The following ZNF208 variants were observed in gnomAD, a reference collection of about 807,000 sequenced individuals.
ZNF208 encodes zinc finger protein 208, also known as zinc finger protein 95.
Under a neutral mutation model 12.1 loss-of-function variants are expected in ZNF208, and 10 were observed. That is an observed-to-expected ratio of 0.83 (90% CI 0.51 to 1.40). The LOEUF (loss-of-function observed/expected upper bound fraction) is 1.40, where lower values mean the gene tolerates loss of function less well. Among genes scored for constraint, ZNF208 ranks in the 40% most tolerant of loss-of-function variants. ZNF208 has a pLI of 0.00. For missense variants in ZNF208, 1,652 were observed against 1,485.0 expected (o/e 1.11, Z -1.85); for synonymous variants, 497 against 488.4 (o/e 1.02, Z -0.23).
downstream of ZNF208, among the ~76,000 whole-genome samples, chr19:21,962,425 A>T (rs1400588985): frequency 6.6e-6 from 1 of 152,088 alleles, no homozygotes; most frequent in East Asian, 1.9e-4. Flanking sequence ...CTTTTTTTAT[A>T]TTTCAAAAAA....
chr19:21,975,479 GC>G (rs1268674489), intron 3 of ZNF208, among the ~76,000 whole-genome samples: 1 of 152,054 alleles, frequency 6.6e-6, no homozygotes, highest in Non-Finnish European at 1.5e-5. Flanking sequence ...TGTTTGAGAG[GC>G]CCACATAATC....
chr19:22,008,213 G>T (rs1971082075), intron 1 of ZNF208, among the ~76,000 whole-genome samples: 1 of 147,480 alleles, frequency 6.8e-6, no homozygotes. Flanking sequence ...TGAGGCAGAA[G>T]AATTGCTTGA....
intron 4 of ZNF208, among the ~76,000 whole-genome samples, chr19:21,959,531 ACTGGAG>A (rs1970030323): frequency 1.3e-5 from 2 of 152,186 alleles, no homozygotes; most frequent in African/African-American, 4.8e-5. Flanking sequence ...ATAGACTGAC[ACTGGAG>A]AAGACCAGCT....
intron 1 of ZNF208, among the ~76,000 whole-genome samples, 174 bp from the exon 2 acceptor site, chr19:21,989,083 T>C (rs533527629): frequency 9.2e-6 from 1 of 108,156 alleles, no homozygotes; most frequent in East Asian, 2.5e-4. Flanking sequence ...TCTCTCTTTT[T>C]TCTTTTTTTA....
rs1457415038 is a variant in ZNF208, at chr19:21,971,568, G to A, written c.3466C>T (p.Leu1156Phe). The A allele has an allele frequency of 3.7e-6, 6 of 1,610,356 alleles. No homozygotes were observed. The highest frequency in any genetic ancestry group is 2.7e-5 in the African/African-American group (2 of 74,630). Residue 1156 changes from leucine to phenylalanine, a missense_variant, in exon 4 of 4, where the codon CTT becomes TTT. Coordinates refer to ENST00000397126, the MANE Select transcript of ZNF208 (RefSeq NM_007153.3). ...GTATGAATTTTCTTATGATAACTAA[G>A]GGTTGAGGACCACTTATAGGCTTTG... ...CGKAYKWSST[L>F]SYHKKIHTVE...
Position 21,973,629 on chromosome 19 carries a change from TA to T in ZNF208, c.1404del (p.Thr469LeufsTer5). The T allele has an allele frequency of 3.7e-6, 6 of 1,613,580 alleles. No homozygotes were observed. The highest frequency in any genetic ancestry group is 5.1e-6 in the Non-Finnish European group (6 of 1,179,802). Reference sequence around the variant, plus strand: ...CCATTATGAATTACCTTATGTTTAGTAAGGATTGAGAACATACTAAAGCCTT... The same window carrying T: ...CCATTATGAATTACCTTATGTTTAGTAGGATTGAGAACATACTAAAGCCTT... ...CGKGFSMFSI[L>X]TKHKVIHNGE... is the part of the protein sequence containing the mutation. On this transcript the variant is annotated frameshift_variant, in exon 4 of 4. Transcript: ENST00000397126. LOFTEE classifies it low-confidence loss of function (END_TRUNC).
At chr19:21,956,697 T>G (rs552355637) in intron 4 of ZNF208, among the ~76,000 whole-genome samples, 2 of 152,336 alleles carry the variant, frequency 1.3e-5, no homozygotes, top group East Asian at 3.9e-4. Context: ...AAGCACAATG[T>G]TAGGGTGGGA....
At chr19:22,003,659 A>G (rs1478231146) in intron 1 of ZNF208, among the ~76,000 whole-genome samples, 1 of 152,200 alleles carries the variant, frequency 6.6e-6, no homozygotes, top group African/African-American at 2.4e-5. Flanking sequence ...GGCCATTATT[A>G]TAATTCAACC....
At chr19:21,957,461 G>C (rs1468658541) in intron 4 of ZNF208, among the ~76,000 whole-genome samples, 1 of 152,206 alleles carries the variant, frequency 6.6e-6, no homozygotes, top group Non-Finnish European at 1.5e-5. Context: ...GCCAGTAACA[G>C]CCTCTTGGGA....
chr19:21,985,994 C>T (rs1267129313), intron 3 of ZNF208, among the ~76,000 whole-genome samples: 2 of 152,186 alleles, frequency 1.3e-5, no homozygotes, highest in Non-Finnish European at 2.9e-5. Context: ...ACCAAAGCCC[C>T]TTATAGTAAG....
intron 4 of ZNF208, among the ~76,000 whole-genome samples, chr19:21,955,612 G>T (rs2145521246): frequency 6.6e-6 from 1 of 152,102 alleles, no homozygotes; most frequent in East Asian, 1.9e-4. Flanking sequence ...TCTTCCACTT[G>T]ATTGAATTGG....
downstream of ZNF208, chr19:21,965,810 AT>A (rs900409319): frequency 7.9e-5 from 12 of 152,078 alleles, no homozygotes; most frequent in East Asian, 1.9e-4. Flanking sequence ...GAAAAAAAAA[AT>A]GATTAATCCA....
intron 4 of ZNF208, among the ~76,000 whole-genome samples, chr19:21,943,194 A>C (rs559398127): frequency 2.8e-4 from 42 of 152,332 alleles, no homozygotes; most frequent in African/African-American, 8.4e-4. Context: ...GTAATCGAGA[A>C]TGTCACTTTC....
chr19:21,948,800 A>G (rs1969851416), intron 4 of ZNF208, among the ~76,000 whole-genome samples: 1 of 152,216 alleles, frequency 6.6e-6, no homozygotes, highest in African/African-American at 2.4e-5. Context: ...AAAAAACTCA[A>G]AAAAACAAAC....
chr19:21,999,978 G>A (rs774657044), intron 1 of ZNF208, among the ~76,000 whole-genome samples: 15 of 152,136 alleles, frequency 9.9e-5, no homozygotes, highest in Non-Finnish European at 2.1e-4. Flanking sequence ...TGCACACTGT[G>A]TGCACTTGAA....
chr19:21,960,381 AAG>A (rs999137222), intron 4 of ZNF208, among the ~76,000 whole-genome samples: 1 of 152,168 alleles, frequency 6.6e-6, no homozygotes. Context: ...GAAATAAAAA[AAG>A]AGATACATAA....
chr19:21,988,663 A>G (rs1970667789), intron 2 of ZNF208, 120 bp downstream of exon 2: 1 of 1,584,794 alleles, frequency 6.3e-7, no homozygotes, highest in Non-Finnish European at 8.6e-7. Flanking sequence ...TCTTCCAAAT[A>G]TACTCTTTTG....
At position 21,970,346 on chromosome 19, in the gene ZNF208, C is replaced by A. The variant is rs1319212704; in HGVS notation, c.*845G>T. Among the ~76,000 whole-genome samples, 2 of 152,096 alleles carry A rather than the reference C, an allele frequency of 1.3e-5. No individual in the cohort carries two copies. The highest frequency in any genetic ancestry group is 2.9e-5 in the Non-Finnish European group (2 of 68,010). On this transcript the variant is annotated 3_prime_UTR_variant, in exon 4 of 4. Transcript: ENST00000397126. Reference sequence around the variant, plus strand: ...GTTAAGGGCATTGCAACATTCCACACAATTGTAGGAATTCCCTCCAGTATG... The same window carrying A: ...GTTAAGGGCATTGCAACATTCCACAAAATTGTAGGAATTCCCTCCAGTATG...
At chr19:22,000,080 A>G (rs977425797) in intron 1 of ZNF208, among the ~76,000 whole-genome samples, 5 of 152,230 alleles carry the variant, frequency 3.3e-5, no homozygotes, top group Non-Finnish European at 7.3e-5. Context: ...TTAGAGACCT[A>G]TGAAGAGACT....
Sources: allele counts gnomAD v4.1 joint callset (sites outside exome capture counted in the v4.1 genomes callset), GRCh38; gene constraint gnomAD v4.1.1; transcripts MANE v1.5; gene names NCBI Gene and HGNC (gene_info 2026-07-23, HGNC 2026-07-21).